Variants in ATRN observed in about 807,000 individuals in gnomAD.
The protein encoded by ATRN is attractin, also known as attractin-2.
ATRN carries 54 observed loss-of-function variants against 178.7 expected under a neutral mutation model. That is an observed-to-expected ratio of 0.30 (90% CI 0.24 to 0.38). The LOEUF (loss-of-function observed/expected upper bound fraction) is 0.38. ATRN is among the 10% of genes least tolerant of loss of function. ATRN has a pLI of 1.00. For missense variants in ATRN, 1,443 were observed against 1,815.1 expected (o/e 0.79, Z 3.73); for synonymous variants, 636 against 663.0 (o/e 0.96, Z 0.63).
intron 12 of ATRN, among the ~76,000 whole-genome samples, chr20:3,575,137 T>C (rs1051788410): frequency 4.6e-5 from 7 of 152,186 alleles, no homozygotes; most frequent in Non-Finnish European, 1.0e-4. Flanking sequence ...CTAATTTTTC[T>C]AGGTTTAGTA....
intron 24 of ATRN, among the ~76,000 whole-genome samples, chr20:3,612,472 C>T (rs986325228): frequency 1.4e-4 from 21 of 152,200 alleles, no homozygotes; most frequent in African/African-American, 4.6e-4. Flanking sequence ...AGATACAGAG[C>T]GTGCCCATCA....
chr20:3,575,719 T>C, intron 12 of ATRN, 108 bp from the exon 13 acceptor site: 1 of 1,250,460 alleles, frequency 8.0e-7, no homozygotes, highest in Non-Finnish European at 1.1e-6. Flanking sequence ...GCCAGTTTCA[T>C]TCTTCATTTT....
intron 24 of ATRN, among the ~76,000 whole-genome samples, chr20:3,614,423 A>G (rs1361697614): frequency 6.6e-6 from 1 of 152,164 alleles, no homozygotes; most frequent in Non-Finnish European, 1.5e-5. Context: ...ATGTGGAGCT[A>G]ATATAGAAGT....
At chr20:3,570,942 A>G (rs1271306075) in intron 11 of ATRN, among the ~76,000 whole-genome samples, 2 of 152,164 alleles carry the variant, frequency 1.3e-5, no homozygotes, top group Non-Finnish European at 2.9e-5. Flanking sequence ...TAAAAAGGAA[A>G]ATGAATTATT....
At chr20:3,590,646 T>G (rs1174152853) in intron 18 of ATRN, among the ~76,000 whole-genome samples, 1 of 152,268 alleles carries the variant, frequency 6.6e-6, no homozygotes, top group East Asian at 1.9e-4. Context: ...AATGGTTAAA[T>G]AACTGTTAAG....
At chr20:3,591,708 C>T (rs1405419534) in intron 19 of ATRN, among the ~76,000 whole-genome samples, 1 of 152,088 alleles carries the variant, frequency 6.6e-6, no homozygotes, top group Non-Finnish European at 1.5e-5. Context: ...TATATGGACA[C>T]TAAGGTTGTG....
At chr20:3,569,136 G>A (rs1012194587) in intron 11 of ATRN, among the ~76,000 whole-genome samples, 7 of 152,164 alleles carry the variant, frequency 4.6e-5, no homozygotes, top group African/African-American at 1.7e-4. Flanking sequence ...GATTTTATAA[G>A]TACGTGAATT....
rs71195847 is a variant in ATRN, at chr20:3,610,742, CTTTTTT to C, written c.3801+6500_3801+6505del. Among the ~76,000 whole-genome samples, 5 of 65,272 alleles carry C rather than the reference CTTTTTT, an allele frequency of 7.7e-5. No individual in the cohort carries two copies. The South Asian group carries it at 1.7e-3, about 22-fold the overall frequency. The allele number at this position is 65,272 out of a possible 152,430, so 42.8% of individuals were successfully genotyped here. On this transcript the variant is annotated intron_variant, in intron 24 of 28. Coordinates refer to ENST00000262919, the MANE Select transcript of ATRN (RefSeq NM_139321.3). ...TGCATACCACCATGCCTGGCTAATT[CTTTTTT>C]TTTTTTTTTTTTTTTTTTTGGTAGA... is the stretch of plus-strand genomic sequence containing the variant.
intron 6 of ATRN, among the ~76,000 whole-genome samples, chr20:3,554,480 G>T (rs1247912815): frequency 6.6e-6 from 1 of 151,432 alleles, no homozygotes; most frequent in African/African-American, 2.4e-5. Context: ...GGACTACAGG[G>T]GCCTGCCACC....
intron 1 of ATRN, among the ~76,000 whole-genome samples, chr20:3,504,637 A>G (rs1421514911): frequency 6.7e-5 from 10 of 150,002 alleles, no homozygotes; most frequent in Admixed American, 6.7e-4. Context: ...GTGAGCTGAG[A>G]TTGTGCCATT....
rs914212389 is a variant in ATRN, at chr20:3,592,413, A to C, written c.3322+1107A>C. The C allele has an allele frequency of 3.0e-5, 29 of 951,348 alleles. No individual in the cohort carries two copies. In the South Asian group the frequency reaches 1.2e-3, roughly 38 times the overall value. 58.9% of individuals were successfully genotyped at this position (951,348 alleles called of 1,614,324 possible). ...AGACTCAGTCTCAAAAAAAAAAAAA[A>C]AGAAAAAAAAAAAAGTCCTGTGTTT... On this transcript the variant is annotated intron_variant, in intron 19 of 28. Coordinates refer to ENST00000262919, the MANE Select transcript of ATRN (RefSeq NM_139321.3).
At chr20:3,519,656 G>T (rs2085261217) in intron 1 of ATRN, among the ~76,000 whole-genome samples, 1 of 152,088 alleles carries the variant, frequency 6.6e-6, no homozygotes. Flanking sequence ...ATGATGATGG[G>T]TGCACTAAAA....
At chr20:3,581,787 T>G (rs1428082329) in intron 15 of ATRN, among the ~76,000 whole-genome samples, 1 of 152,246 alleles carries the variant, frequency 6.6e-6, no homozygotes, top group Admixed American at 6.5e-5. Context: ...TATTATCTTC[T>G]CTGAGCTACA....
At chr20:3,541,140 C>T (rs576797104) in intron 3 of ATRN, among the ~76,000 whole-genome samples, 4 of 148,154 alleles carry the variant, frequency 2.7e-5, no homozygotes, top group Admixed American at 1.4e-4. Flanking sequence ...TGCAGTGGCG[C>T]GATCTCGGCT....
At chr20:3,617,933 G>A (rs1405433175) in intron 24 of ATRN, among the ~76,000 whole-genome samples, 1 of 152,186 alleles carries the variant, frequency 6.6e-6, no homozygotes, top group Non-Finnish European at 1.5e-5. Flanking sequence ...CAGCCCACCT[G>A]TCTTGGTGAG....
At position 3,471,415 on chromosome 20, in the gene ATRN, G is replaced by A. The variant is rs2084420320; in HGVS notation, c.308G>A (p.Arg103Gln). The A allele has an allele frequency of 6.8e-7, 1 of 1,478,612 alleles. No individual in the cohort carries two copies. Among genetic ancestry groups the A allele is most frequent in the South Asian group, 1.3e-5 (1 of 76,488 alleles). The allele number at this position is 1,478,612 out of a possible 1,614,324, so 91.6% of individuals were successfully genotyped here. Residue 103 changes from arginine (R) to glutamine (Q), a missense_variant, in exon 1 of 29, where the codon CGG (arginine) becomes CAG (glutamine). By Grantham distance (43) the Arg-to-Gln change is conservative. Around this residue, in one of 4 missense-constraint regions of ATRN, gnomAD observed 862 missense variants for 972.1 expected, o/e 0.89. Coordinates refer to ENST00000262919, the MANE Select transcript of ATRN (RefSeq NM_139321.3). ...GCAGCCGAGGCCAAGGAATGTGACC[G>A]GCCCTGTGTCAACGGCGGTCGCTGC... ...SAAAEAKECD[R>Q]PCVNGGRCNP...
intron 20 of ATRN, among the ~76,000 whole-genome samples, chr20:3,596,160 A>G (rs1204801943): frequency 6.6e-6 from 1 of 152,204 alleles, no homozygotes; most frequent in East Asian, 1.9e-4. Flanking sequence ...ATGCTTGTCA[A>G]TTGTCCTCAT....
At chr20:3,639,026 C>T (rs749810181) in intron 27 of ATRN, 91 bp downstream of exon 27, 1 of 872,706 alleles carries the variant, frequency 1.1e-6, no homozygotes, top group Non-Finnish European at 1.7e-6. Context: ...AAGCCCTATT[C>T]CATTACCTCC....
chr20:3,597,868 T>C (rs2086552701), intron 21 of ATRN, 38 bp from the exon 22 acceptor site: 1 of 1,262,630 alleles, frequency 7.9e-7, no homozygotes, highest in African/African-American at 1.5e-5. Flanking sequence ...ATTTTGTGTG[T>C]GTTTAGTTTT....
Sources: allele counts gnomAD v4.1 joint callset (sites outside exome capture counted in the v4.1 genomes callset), GRCh38; gene constraint gnomAD v4.1.1; regional missense constraint gnomAD v4.1.1; transcripts MANE v1.5; gene names NCBI Gene and HGNC (gene_info 2026-07-23, HGNC 2026-07-21).